CCDC88A: variants seen among roughly 807,000 people sequenced by gnomAD.
CCDC88A encodes the protein coiled-coil and HOOK domain protein 88A.
A neutral mutation model predicts 234.3 loss-of-function variants in CCDC88A; 54 were observed. The observed-to-expected ratio is 0.23, with a 90% CI of 0.19 to 0.29. The LOEUF is 0.29. Among genes scored for constraint, CCDC88A ranks in the 10% least tolerant of loss-of-function variants. CCDC88A has a pLI of 1.00. For missense variants in CCDC88A, 1,832 were observed against 2,123.4 expected (o/e 0.86, Z 2.70); for synonymous variants, 753 against 737.8 (o/e 1.02, Z -0.33).
chr2:55,351,917 T>C (rs943960972), intron 8 of CCDC88A, among the ~76,000 whole-genome samples: 2 of 152,134 alleles, frequency 1.3e-5, no homozygotes, highest in Non-Finnish European at 2.9e-5. Context: ...TGATACATGC[T>C]ACAACATGGA....
At chr2:55,412,146 T>C (rs1680606001) in intron 2 of CCDC88A, among the ~76,000 whole-genome samples, 1 of 152,226 alleles carries the variant, frequency 6.6e-6, no homozygotes, top group Admixed American at 6.5e-5. Flanking sequence ...CCAACTTCTA[T>C]GCTAGGTGCT....
chr2:55,371,005 G>A (rs1381302765), intron 5 of CCDC88A, among the ~76,000 whole-genome samples: 2 of 152,018 alleles, frequency 1.3e-5, no homozygotes, highest in Non-Finnish European at 1.5e-5. Flanking sequence ...GTGAGACCCT[G>A]TCTCAAAAAA....
At chr2:55,310,278 A>G (rs1370948320) in intron 23 of CCDC88A, among the ~76,000 whole-genome samples, 2 of 152,170 alleles carry the variant, frequency 1.3e-5, no homozygotes, top group Non-Finnish European at 2.9e-5. Context: ...GGAATAGGAT[A>G]TATCGGAAAG....
intron 2 of CCDC88A, among the ~76,000 whole-genome samples, chr2:55,394,849 T>C (rs568036369): frequency 2.6e-5 from 4 of 151,804 alleles, no homozygotes; most frequent in Middle Eastern, 3.4e-3. Context: ...TTTGTTTTTG[T>C]TTTTGTTTTT....
intron 2 of CCDC88A, among the ~76,000 whole-genome samples, chr2:55,407,611 T>C (rs1031621326): frequency 6.6e-6 from 1 of 151,482 alleles, no homozygotes; most frequent in Non-Finnish European, 1.5e-5. Flanking sequence ...TCTCAAACAA[T>C]AAGTAAATAA....
chr2:55,394,678 G>C (rs1677216015), intron 2 of CCDC88A: 1 of 110,932 alleles, frequency 9.0e-6, no homozygotes, highest in Non-Finnish European at 1.8e-5. Context: ...GGAGGGGGGA[G>C]GGATAGCATT....
intron 12 of CCDC88A, among the ~76,000 whole-genome samples, chr2:55,343,445 T>G (rs1668738414): frequency 6.6e-6 from 1 of 152,130 alleles, no homozygotes; most frequent in South Asian, 2.1e-4. Context: ...GTTATTGCAT[T>G]CATGAAATTC....
chr2:55,409,882 AGG>A (rs1377951889), intron 2 of CCDC88A, among the ~76,000 whole-genome samples: 2 of 151,698 alleles, frequency 1.3e-5, no homozygotes, highest in Non-Finnish European at 2.9e-5. Context: ...CTGGGATTAC[AGG>A]GGCCCGCCAA....
At chr2:55,397,964 T>C (rs920553884) in intron 2 of CCDC88A, among the ~76,000 whole-genome samples, 2 of 152,160 alleles carry the variant, frequency 1.3e-5, no homozygotes, top group Non-Finnish European at 2.9e-5. Context: ...GAAGGAATTA[T>C]ATAGTTATAT....
At chr2:55,352,760 A>G (rs976180975) in intron 8 of CCDC88A, among the ~76,000 whole-genome samples, 4 of 152,194 alleles carry the variant, frequency 2.6e-5, no homozygotes, top group African/African-American at 9.6e-5. Context: ...CTTTTACTCT[A>G]TATGTTTATA....
intron 31 of CCDC88A, chr2:55,294,176 A>T (rs13406929): frequency 1.3e-6 from 1 of 784,740 alleles, no homozygotes; most frequent in South Asian, 5.8e-5. Flanking sequence ...AACACAATGA[A>T]TATAATTTGG....
intron 3 of CCDC88A, among the ~76,000 whole-genome samples, chr2:55,376,533 C>G (rs1342462050): frequency 6.6e-6 from 1 of 152,124 alleles, no homozygotes; most frequent in African/African-American, 2.4e-5. Context: ...CATCTCTTAT[C>G]TATAATTCTT....
chr2:55,381,025 CA>C (rs1674496365), intron 3 of CCDC88A, among the ~76,000 whole-genome samples: 1 of 152,162 alleles, frequency 6.6e-6, no homozygotes, highest in Non-Finnish European at 1.5e-5. Context: ...ATGGTGGTCA[CA>C]TAAGATTATA....
At chr2:55,306,902 C>A (rs1408554770) in intron 25 of CCDC88A, among the ~76,000 whole-genome samples, 1 of 152,160 alleles carries the variant, frequency 6.6e-6, no homozygotes, top group Non-Finnish European at 1.5e-5. Flanking sequence ...TGCCTAATAT[C>A]CTATACCCTA....
chr2:55,315,140 A>G (rs1333175004), intron 22 of CCDC88A: 1 of 152,222 alleles, frequency 6.6e-6, no homozygotes. Flanking sequence ...GCCCCAACCA[A>G]TATTTCAACC....
At chr2:55,413,356 A>G (rs1035532184) in intron 2 of CCDC88A, among the ~76,000 whole-genome samples, 5 of 152,220 alleles carry the variant, frequency 3.3e-5, no homozygotes, top group African/African-American at 1.2e-4. Context: ...AACAGAAAAT[A>G]GACTTATCTG....
intron 9 of CCDC88A, among the ~76,000 whole-genome samples, chr2:55,346,549 A>G (rs1260794413): frequency 6.6e-6 from 1 of 151,944 alleles, no homozygotes; most frequent in Non-Finnish European, 1.5e-5. Context: ...CTTCCCAAGT[A>G]GCTGGGATTA....
chr2:55,392,184 C>T (rs7589279), intron 2 of CCDC88A, among the ~76,000 whole-genome samples: 123,372 of 152,166 alleles, frequency 0.81, 50,921 homozygotes, highest in Admixed American at 0.9. Flanking sequence ...CTTTATGTTT[C>T]ACTGGTCTAC....
intron 5 of CCDC88A, among the ~76,000 whole-genome samples, chr2:55,370,467 C>T (rs1439722125): frequency 2.0e-5 from 3 of 151,194 alleles, no homozygotes; most frequent in Non-Finnish European, 4.4e-5. Context: ...CATGGTGAAA[C>T]CCTGTCTCTA....
Sources: allele counts gnomAD v4.1 joint callset (sites outside exome capture counted in the v4.1 genomes callset), GRCh38; gene constraint gnomAD v4.1.1; transcripts MANE v1.5; gene names NCBI Gene and HGNC (gene_info 2026-07-23, HGNC 2026-07-21).